HMGXB3: variants seen among roughly 807,000 people sequenced by gnomAD.
HMGXB3 encodes the protein HMG domain-containing protein 3.
HMGXB3 carries 45 observed loss-of-function variants against 121.5 expected under a neutral mutation model. The ratio of observed to expected loss-of-function variants is 0.37; its 90% CI spans 0.29 to 0.47. The LOEUF is 0.47. Ranked by LOEUF, HMGXB3 falls within the 20% of genes least tolerant of loss-of-function variation. The pLI, the probability that HMGXB3 is intolerant of heterozygous loss-of-function variation, is 0.99. For synonymous variants in HMGXB3, 590 were observed against 624.1 expected (o/e 0.95, Z 0.81); for missense variants, 1,376 against 1,602.2 (o/e 0.86, Z 2.41).
intron 3 of HMGXB3, among the ~76,000 whole-genome samples, chr5:150,009,130 GA>G (rs1253861577): frequency 6.6e-6 from 1 of 151,866 alleles, no homozygotes; most frequent in East Asian, 1.9e-4. Context: ...AGTTTAAATT[GA>G]AAAAATAAAA....
At chr5:150,045,758 G>T (rs886276079) in intron 16 of HMGXB3, 73 bp downstream of exon 16, 1 of 1,215,116 alleles carries the variant, frequency 8.2e-7, no homozygotes, top group African/African-American at 1.5e-5. Flanking sequence ...TCCATGGCAA[G>T]ATAGCACAGT....
intron 11 of HMGXB3, among the ~76,000 whole-genome samples, chr5:150,034,611 C>G (rs1369985373): frequency 6.6e-6 from 1 of 152,088 alleles, no homozygotes; most frequent in Non-Finnish European, 1.5e-5. Flanking sequence ...TGAGAACTGC[C>G]CACCCCCAGG....
At position 150,010,393 on chromosome 5, in the gene HMGXB3, G is replaced by A. The variant is rs948422064; in HGVS notation, c.595G>A (p.Gly199Ser). Residue 199 changes from glycine (G) to serine (S), a missense_variant, in exon 4 of 20, where the codon GGT becomes AGT. Coordinates refer to ENST00000502717, the MANE Select transcript of HMGXB3 (RefSeq NM_014983.3). The part of the protein sequence containing the change: ...AEEVGALTQS[G>S]AVQEIATSEI... Reference sequence around the variant, plus strand: ...GGAGGTGGGAGCCCTTACCCAGTCAGGTGCTGTACAGGAGATTGCCACCTC... The same window carrying A: ...GGAGGTGGGAGCCCTTACCCAGTCAAGTGCTGTACAGGAGATTGCCACCTC... 6.4e-7 allele frequency: 1 copy of A among 1,551,662 alleles called. No individual in the cohort carries two copies. Among genetic ancestry groups the A allele is most frequent in the Non-Finnish European group, 8.7e-7 (1 of 1,147,004 alleles).
intron 11 of HMGXB3, among the ~76,000 whole-genome samples, chr5:150,034,560 A>G (rs1487916555): frequency 6.6e-6 from 1 of 152,184 alleles, no homozygotes; most frequent in African/African-American, 2.4e-5. Flanking sequence ...GCCAATTTCA[A>G]ATCCCACTCT....
At chr5:150,027,186 A>G (rs1323599824) in intron 9 of HMGXB3, 69 bp downstream of exon 9, 53 of 1,241,346 alleles carry the variant, frequency 4.3e-5, no homozygotes, top group Non-Finnish European at 4.9e-5. Flanking sequence ...TATCAAAGCT[A>G]TAGGTAAAGG....
intron 5 of HMGXB3, among the ~76,000 whole-genome samples, chr5:150,016,213 C>G (rs901748652): frequency 6.6e-6 from 1 of 151,924 alleles, no homozygotes; most frequent in Non-Finnish European, 1.5e-5. Context: ...TGTGGTGGTA[C>G]ACACCTATAG....
Position 150,047,681 on chromosome 5 carries a change from T to C in HMGXB3, c.3008T>C (p.Ile1003Thr), listed in dbSNP as rs1425821421. Reference sequence around the variant, plus strand: ...GAGGGCACCTGCAAGCTTGATGAGATTGGCTCCTACAGTGAAGAGAAGCTG... The same window carrying C: ...GAGGGCACCTGCAAGCTTGATGAGACTGGCTCCTACAGTGAAGAGAAGCTG... ...LQEGTCKLDE[I>T]GSYSEEKLQH... is the part of the protein sequence containing the mutation. Residue 1003 changes from isoleucine to threonine, a missense_variant, in exon 17 of 20, where the codon ATT (isoleucine) becomes ACT (threonine). By Grantham distance (89) the Ile-to-Thr change is moderately conservative (BLOSUM62 -1). Coordinates refer to ENST00000502717, the MANE Select transcript of HMGXB3 (RefSeq NM_014983.3). The C allele has an allele frequency of 1.3e-6, 2 of 1,551,618 alleles. No homozygotes were observed. The highest frequency in any genetic ancestry group is 1.7e-6 in the Non-Finnish European group (2 of 1,147,002).
intron 15 of HMGXB3, among the ~76,000 whole-genome samples, chr5:150,042,962 A>C (rs918267758): frequency 6.6e-6 from 1 of 152,238 alleles, no homozygotes; most frequent in African/African-American, 2.4e-5. Context: ...TTGGGGCTGA[A>C]TATACTCATG....
Position 150,006,534 on chromosome 5 carries a change from C to T in HMGXB3, c.199C>T (p.Leu67Phe). The change falls in exon 3 of 20, where the codon CTC (leucine) becomes TTC (phenylalanine). Residue 67 changes from leucine (L) to phenylalanine (F), a missense_variant. By Grantham distance (22) the Leu-to-Phe change is conservative. Around this residue, in one of 2 missense-constraint regions of HMGXB3, gnomAD observed 1,116 missense variants for 1,369.0 expected, o/e 0.82. Transcript: ENST00000502717. Reference sequence around the variant, plus strand: ...GAAAGTGCAGCAGGAGCTCCCCCACCTCCCTCAGTCTGAGATCAATAAGAA... The same window carrying T: ...GAAAGTGCAGCAGGAGCTCCCCCACTTCCCTCAGTCTGAGATCAATAAGAA... ...YLKVQQELPH[L>F]PQSEINKKIS... 1 of 1,552,024 alleles carries T rather than the reference C, an allele frequency of 6.4e-7. No individual in the cohort carries two copies. Among genetic ancestry groups the T allele is most frequent in the Non-Finnish European group, 8.7e-7 (1 of 1,147,026 alleles).
intron 6 of HMGXB3, among the ~76,000 whole-genome samples, chr5:150,023,835 G>T (rs984614076): frequency 1.3e-5 from 2 of 152,214 alleles, no homozygotes; most frequent in African/African-American, 4.8e-5. Context: ...GCCACATTGG[G>T]ATTAACTGAA....
At chr5:150,014,784 T>A in intron 5 of HMGXB3, 1 of 388,600 alleles carries the variant, frequency 2.6e-6, no homozygotes. Flanking sequence ...AGGAGTTTAA[T>A]CTGGCATATC....
At chr5:150,023,910 C>A (rs1756160095) in intron 6 of HMGXB3, among the ~76,000 whole-genome samples, 2 of 152,330 alleles carry the variant, frequency 1.3e-5, no homozygotes, top group South Asian at 4.1e-4. Flanking sequence ...CAGTATGTCA[C>A]CCTCTTTCTA....
chr5:150,027,517 C>A (rs993741392), intron 9 of HMGXB3, among the ~76,000 whole-genome samples: 1 of 151,834 alleles, frequency 6.6e-6, no homozygotes, highest in East Asian at 1.9e-4. Context: ...GTAAGTTATG[C>A]CTTTATGCTT....
intron 5 of HMGXB3, 148 bp from the exon 6 acceptor site, chr5:150,018,418 G>A (rs1377308861): frequency 1.8e-6 from 1 of 547,778 alleles, no homozygotes; most frequent in Non-Finnish European, 2.9e-6. Flanking sequence ...TTGTATTGTA[G>A]GACCTTTCCA....
intron 9 of HMGXB3, among the ~76,000 whole-genome samples, chr5:150,028,408 T>A (rs1021596054): frequency 2.1e-5 from 3 of 145,024 alleles, no homozygotes; most frequent in South Asian, 2.2e-4. Context: ...AGACCCGATT[T>A]TATATATATA....
At chr5:150,010,071 T>C (rs1316634813) in intron 3 of HMGXB3, 40 bp from the exon 4 acceptor site, 1 of 1,529,434 alleles carries the variant, frequency 6.5e-7, no homozygotes, top group Non-Finnish European at 8.8e-7. Flanking sequence ...AGTCCATTTA[T>C]CTCTGCTTGT....
chr5:150,006,551 C>T lies in HMGXB3; in HGVS notation c.216C>T (p.Ile72=), dbSNP rs868690580. The change falls in exon 3 of 20, where the codon ATC becomes ATT. Residue 72 remains isoleucine, a synonymous_variant. Transcript: ENST00000502717. ...QELPHLPQSE[I]NKKISESWRL... ...TCCCCCACCTCCCTCAGTCTGAGAT[C>T]AATAAGAAGATTAGTGAGAGTTGGA... 8 of 1,551,976 alleles carry T rather than the reference C, an allele frequency of 5.2e-6. No individual in the cohort carries two copies. In the African/African-American group the frequency reaches 9.6e-5, roughly 19 times the overall value.
chr5:150,028,349 T>G (rs1756280915), intron 9 of HMGXB3, among the ~76,000 whole-genome samples: 3 of 151,068 alleles, frequency 2.0e-5, no homozygotes, highest in Non-Finnish European at 2.9e-5. Context: ...GCTTGACTTT[T>G]CCATTTAGCA....
intron 3 of HMGXB3, among the ~76,000 whole-genome samples, chr5:150,009,095 C>T (rs1319759326): frequency 1.3e-5 from 2 of 151,948 alleles, no homozygotes; most frequent in Non-Finnish European, 2.9e-5. Context: ...TTGAACTTTT[C>T]TGTTTTCCTT....
Sources: allele counts gnomAD v4.1 joint callset (sites outside exome capture counted in the v4.1 genomes callset), GRCh38; gene constraint gnomAD v4.1.1; regional missense constraint gnomAD v4.1.1; transcripts MANE v1.5; gene names NCBI Gene and HGNC (gene_info 2026-07-23, HGNC 2026-07-21).